EYS: variants seen among roughly 807,000 people sequenced by gnomAD.
EYS encodes the protein EGF-like photoreceptor maintenance factor, also known as protein eyes shut homolog.
EYS carries 250 observed loss-of-function variants against 282.1 expected under a neutral mutation model. That is an observed-to-expected ratio of 0.89 (90% CI 0.80 to 0.98). The LOEUF (loss-of-function observed/expected upper bound fraction) is 0.98. Among genes scored for constraint, EYS ranks in the 50% least tolerant of loss-of-function variants. The pLI, the probability that EYS is intolerant of heterozygous loss-of-function variation, is 0.00. For missense variants in EYS, 4,016 were observed against 3,709.0 expected (o/e 1.08, Z -2.15); for synonymous variants, 1,355 against 1,282.9 (o/e 1.06, Z -1.20).
At chr6:65,002,369 GC>G (rs1771493033) in intron 13 of EYS, among the ~76,000 whole-genome samples, 1 of 143,820 alleles carries the variant, frequency 7.0e-6, no homozygotes, top group Admixed American at 6.9e-5. Flanking sequence ...ATCAAGAGCA[GC>G]AAAAATATGG....
Position 63,778,177 on chromosome 6 carries a change from C to T in EYS, c.7727G>A (p.Cys2576Tyr). 1 of 1,551,746 alleles carries T rather than the reference C, an allele frequency of 6.4e-7. No homozygotes were observed. The highest frequency in any genetic ancestry group is 8.7e-7 in the Non-Finnish European group (1 of 1,146,886). The stretch of plus-strand genomic sequence containing the variant: ...AGTGCGAACTTGAAGAGTGAAAATA[C>T]AGCCTTGAAGAAATGCAAAAACACT... ...GADFKNGFQG[C>Y]IFTLQVRTEK... Residue 2576 changes from cysteine (C) to tyrosine (Y), a missense_variant, in exon 40 of 43, where the codon TGT becomes TAT. Physicochemically the swap from Cys to Tyr is radical, Grantham distance 194. Coordinates refer to ENST00000503581, the MANE Select transcript of EYS (RefSeq NM_001142800.2).
intron 2 of EYS, among the ~76,000 whole-genome samples, chr6:65,546,314 G>T (rs1484617538): frequency 2.3e-5 from 2 of 85,416 alleles, no homozygotes; most frequent in Non-Finnish European, 4.2e-5. Context: ...CCAAAGTTCA[G>T]CCTATAATTT....
chr6:64,098,268 TAGA>T (rs1772702381), intron 31 of EYS, among the ~76,000 whole-genome samples: 1 of 152,108 alleles, frequency 6.6e-6, no homozygotes, highest in Non-Finnish European at 1.5e-5. Flanking sequence ...TTTCCATTAA[TAGA>T]CTATCAAAAG....
chr6:63,873,482 T>C (rs1772873341), intron 35 of EYS, among the ~76,000 whole-genome samples: 1 of 152,200 alleles, frequency 6.6e-6, no homozygotes, highest in African/African-American at 2.4e-5. Context: ...TGTGTCTTTA[T>C]AGTAGCGTGA....
intron 31 of EYS, among the ~76,000 whole-genome samples, chr6:64,108,843 C>G (rs1016653729): frequency 6.6e-6 from 1 of 152,060 alleles, no homozygotes; most frequent in African/African-American, 2.4e-5. Flanking sequence ...ATGATATTGT[C>G]TAACATGTTT....
At chr6:65,132,463 T>G (rs1775905153) in intron 12 of EYS, among the ~76,000 whole-genome samples, 2 of 151,880 alleles carry the variant, frequency 1.3e-5, no homozygotes, top group African/African-American at 4.8e-5. Flanking sequence ...GCAAACCCCA[T>G]GTGATTATCT....
At chr6:64,109,503 A>G (rs1218957607) in intron 31 of EYS, among the ~76,000 whole-genome samples, 5 of 152,126 alleles carry the variant, frequency 3.3e-5, no homozygotes, top group African/African-American at 1.2e-4. Flanking sequence ...TGCCACTGAT[A>G]TAATTATCAA....
chr6:64,416,814 A>G (rs1199393832), intron 28 of EYS, among the ~76,000 whole-genome samples: 1 of 152,218 alleles, frequency 6.6e-6, no homozygotes, highest in Non-Finnish European at 1.5e-5. Context: ...TAGGTAAAAG[A>G]TAATGATACA....
chr6:65,482,900 AT>A (rs1309198105), intron 5 of EYS, among the ~76,000 whole-genome samples: 5 of 152,228 alleles, frequency 3.3e-5, no homozygotes, highest in Admixed American at 1.3e-4. Flanking sequence ...TTTTCTGACA[AT>A]CACCTGTTTC....
At chr6:64,661,897 T>C (rs9363074) in intron 22 of EYS, among the ~76,000 whole-genome samples, 1 of 140,314 alleles carries the variant, frequency 7.1e-6, no homozygotes, top group South Asian at 2.5e-4. Flanking sequence ...ATACCCAAAG[T>C]ATTATAAATC....
chr6:65,157,139 A>C (rs74743573), intron 12 of EYS, among the ~76,000 whole-genome samples: 4,259 of 151,074 alleles, frequency 0.028, 152 homozygotes, highest in African/African-American at 0.085. Flanking sequence ...GTTTTTCTTT[A>C]ATAGCACCTA....
At chr6:65,055,441 G>A (rs1773383601) in intron 13 of EYS, among the ~76,000 whole-genome samples, 1 of 152,006 alleles carries the variant, frequency 6.6e-6, no homozygotes, top group Admixed American at 6.6e-5. Flanking sequence ...AATATCCTAT[G>A]CTACTATGGT....
rs2149678928 is a variant in EYS at position 63,806,235 on chromosome 6, C to T, written c.7366G>A (p.Ala2456Thr). 6.4e-7 allele frequency: 1 copy of T among 1,551,544 alleles called. No homozygotes were observed. Residue 2456 changes from alanine to threonine, a missense_variant, in exon 37 of 43, where the codon GCA becomes ACA. By Grantham distance (58) the Ala-to-Thr change is moderately conservative (BLOSUM62 0). Coordinates refer to ENST00000503581, the MANE Select transcript of EYS (RefSeq NM_001142800.2). Reference protein sequence around the residue: ...LKFQLANNHSALQNNLIFFTG... With the variant: ...LKFQLANNHSTLQNNLIFFTG... ...AAAAATATCAAGTTATTTTGCAGTG[C>T]TGAGTGGTTGTTTGCCAGCTGAAAC...
intron 1 of EYS, among the ~76,000 whole-genome samples, chr6:65,680,272 A>G (rs1768771736): frequency 6.6e-6 from 1 of 151,976 alleles, no homozygotes; most frequent in South Asian, 2.1e-4. Context: ...AAAATTAAGT[A>G]AAACTATTCA....
At chr6:63,833,057 G>A (rs191534294) in intron 36 of EYS, among the ~76,000 whole-genome samples, 1 of 152,184 alleles carries the variant, frequency 6.6e-6, no homozygotes, top group East Asian at 1.9e-4. Context: ...GGTATTGATG[G>A]GATGTATCTC....
intron 35 of EYS, among the ~76,000 whole-genome samples, chr6:63,890,653 A>G (rs1441238496): frequency 1.3e-5 from 2 of 152,230 alleles, no homozygotes; most frequent in Non-Finnish European, 2.9e-5. Context: ...GGAAGGATCT[A>G]AAATCGACAC....
At chr6:63,811,608 C>G (rs1771048012) in intron 36 of EYS, among the ~76,000 whole-genome samples, 1 of 152,114 alleles carries the variant, frequency 6.6e-6, no homozygotes, top group African/African-American at 2.4e-5. Context: ...CAGTCTCTAT[C>G]CCTGCTTTTT....
chr6:65,036,396 A>G (rs1284254705), intron 13 of EYS, among the ~76,000 whole-genome samples: 1 of 152,014 alleles, frequency 6.6e-6, no homozygotes, highest in Non-Finnish European at 1.5e-5. Context: ...AAAACTAGGA[A>G]ATACCATTCT....
chr6:64,556,496 A>G (rs1457222900), intron 26 of EYS, among the ~76,000 whole-genome samples: 1 of 151,990 alleles, frequency 6.6e-6, no homozygotes, highest in Non-Finnish European at 1.5e-5. Context: ...GTTATTGACT[A>G]CACAAAGGCA....
Sources: gnomAD v4.1 joint callset for allele counts (sites outside exome capture counted in the v4.1 genomes callset) on GRCh38, gnomAD v4.1.1 for gene constraint, MANE v1.5 for transcripts, NCBI Gene and HGNC (gene_info 2026-07-23, HGNC 2026-07-21) for gene names.